EFNA5: variants seen among roughly 807,000 people sequenced by gnomAD.
EFNA5 encodes the protein ephrin-A5.
A neutral mutation model predicts 22.9 loss-of-function variants in EFNA5; 5 were observed. The observed-to-expected ratio is 0.22, with a 90% CI of 0.11 to 0.46. The LOEUF (loss-of-function observed/expected upper bound fraction) is 0.46. Among genes scored for constraint, EFNA5 ranks in the 20% least tolerant of loss-of-function variants. The pLI is 0.99. For missense variants in EFNA5, 237 were observed against 293.3 expected, an observed-to-expected ratio of 0.81 and a Z score of 1.40; for synonymous variants, 113 against 112.2, an observed-to-expected ratio of 1.01 and a Z score of -0.04.
intron 1 of EFNA5, among the ~76,000 whole-genome samples, chr5:107,469,113 T>C (rs953794082): frequency 2.0e-5 from 3 of 152,074 alleles, no homozygotes; most frequent in Non-Finnish European, 1.5e-5. Context: ...TGTTAAAACA[T>C]TATTAAGAAT....
chr5:107,523,636 G>A (rs1239566305), intron 1 of EFNA5, among the ~76,000 whole-genome samples: 5 of 152,226 alleles, frequency 3.3e-5, no homozygotes, highest in Non-Finnish European at 1.5e-5. Flanking sequence ...GGAGAATACA[G>A]AGATTACATT....
intron 2 of EFNA5, among the ~76,000 whole-genome samples, chr5:107,400,228 A>T (rs1748049103): frequency 6.6e-6 from 1 of 152,146 alleles, no homozygotes; most frequent in African/African-American, 2.4e-5. Context: ...ATATAGAATA[A>T]AACATATAAG....
chr5:107,574,422 A>T (rs1176749114), intron 1 of EFNA5, among the ~76,000 whole-genome samples: 1 of 152,200 alleles, frequency 6.6e-6, no homozygotes, highest in Admixed American at 6.5e-5. Flanking sequence ...ATTAAACTCA[A>T]TATGCCATTA....
chr5:107,575,431 C>G (rs1561437856), intron 1 of EFNA5, among the ~76,000 whole-genome samples: 1 of 152,098 alleles, frequency 6.6e-6, no homozygotes, highest in African/African-American at 2.4e-5. Context: ...GGGGAAAAAC[C>G]TTTTCTAGTA....
chr5:107,578,731 T>C (rs1748978709), intron 1 of EFNA5, among the ~76,000 whole-genome samples: 1 of 152,080 alleles, frequency 6.6e-6, no homozygotes, highest in Non-Finnish European at 1.5e-5. Context: ...CCCATGTACA[T>C]TTGCCAAGCA....
At chr5:107,613,412 G>A (rs1195986851) in intron 1 of EFNA5, among the ~76,000 whole-genome samples, 1 of 152,018 alleles carries the variant, frequency 6.6e-6, no homozygotes, top group Non-Finnish European at 1.5e-5. Flanking sequence ...TCTTCAAGAT[G>A]TTTTAAGTAT....
intron 1 of EFNA5, among the ~76,000 whole-genome samples, chr5:107,660,290 A>T (rs1750923247): frequency 8.8e-6 from 1 of 113,760 alleles, no homozygotes. Context: ...ATATATATAT[A>T]TATATATATA....
intron 1 of EFNA5, among the ~76,000 whole-genome samples, chr5:107,632,815 CT>C (rs1033458764): frequency 3.9e-5 from 6 of 152,290 alleles, no homozygotes; most frequent in African/African-American, 1.4e-4. Context: ...AATATAATTG[CT>C]GAGGATATTC....
intron 1 of EFNA5, among the ~76,000 whole-genome samples, chr5:107,630,939 A>G (rs78505729): frequency 0.1 from 15,149 of 152,128 alleles, 962 homozygotes; most frequent in Non-Finnish European, 0.13. Context: ...AGAAATATCA[A>G]TATCACTGTC....
In EFNA5 at chr5:107,569,559, T is replaced by TTATATATATATATATA. The variant is rs70996962; in HGVS notation, c.125+100914_125+100929dup. On this transcript the variant is annotated intron_variant, in intron 1 of 4. Coordinates refer to ENST00000333274, the MANE Select transcript of EFNA5 (RefSeq NM_001962.3). ...TATATATATGTGTGTATATATATAT[T>TTATATATATATATATA]TATATATATATATATATATATATAT... Among the ~76,000 whole-genome samples, 125 of 42,412 alleles carry TTATATATATATATATA rather than the reference T, an allele frequency of 2.9e-3. 1 individual carries two copies. The highest frequency in any genetic ancestry group is 4.4e-3 in the Non-Finnish European group (100 of 22,974). The allele number at this position is 42,412 out of a possible 152,430, so 27.8% of individuals were successfully genotyped here. A position where few individuals can be genotyped will look rare whatever the true frequency, so the allele number is the denominator to read the frequency against.
intron 1 of EFNA5, among the ~76,000 whole-genome samples, chr5:107,640,983 GA>G (rs60130718): frequency 0.1 from 13,510 of 135,416 alleles, 805 homozygotes; most frequent in Non-Finnish European, 0.14. Context: ...CAGGTAGATA[GA>G]TAGATAGATA....
intron 2 of EFNA5, among the ~76,000 whole-genome samples, chr5:107,417,894 G>A (rs552508842): frequency 2.6e-4 from 39 of 152,312 alleles, no homozygotes; most frequent in Middle Eastern, 3.4e-3. Context: ...GGTGAAAATA[G>A]AGCAAGAATA....
At chr5:107,584,111 C>T (rs1749128782) in intron 1 of EFNA5, among the ~76,000 whole-genome samples, 1 of 152,212 alleles carries the variant, frequency 6.6e-6, no homozygotes, top group Non-Finnish European at 1.5e-5. Context: ...GGGGATATCA[C>T]TGAGGTCCAG....
rs568251065 is a variant in EFNA5, at chr5:107,605,958, T to C, written c.125+64531A>G. 2.6e-5 allele frequency among the ~76,000 whole-genome samples: 4 copies of C among 152,314 alleles called. No homozygotes were observed. In the East Asian group the frequency reaches 5.8e-4, roughly 22 times the overall value. ...CACTCTCATTTTAATAAAACTCCTG[T>C]TTCCTGTATAATATCACTCAGGTCA... On this transcript the variant is annotated intron_variant, in intron 1 of 4. Transcript: ENST00000333274.
intron 1 of EFNA5, among the ~76,000 whole-genome samples, chr5:107,645,309 C>T (rs757663774): frequency 6.6e-6 from 1 of 152,204 alleles, no homozygotes; most frequent in Non-Finnish European, 1.5e-5. Flanking sequence ...TACCTTTAAA[C>T]TTGTGTAGCA....
rs1748837643 is a variant in EFNA5, at chr5:107,427,435, T to G, written c.200A>C (p.Asp67Ala). ...YLDVFCPHYE[D>A]SVPEDKTERY... ...CTCAGTCTTATCTTCTGGGACGGAGTCCTCATAGTGAGGGCAGAAAACATC... is the reference window on the plus strand; with the variant it reads ...CTCAGTCTTATCTTCTGGGACGGAGGCCTCATAGTGAGGGCAGAAAACATC... Residue 67 changes from aspartate to alanine, a missense_variant, in exon 2 of 5, where the codon GAC (aspartate) becomes GCC (alanine). Asp to Ala is a moderately radical substitution (Grantham distance 126). Coordinates refer to ENST00000333274, the MANE Select transcript of EFNA5 (RefSeq NM_001962.3). 6.2e-7 allele frequency: 1 copy of G among 1,613,754 alleles called. No individual in the cohort carries two copies. Among genetic ancestry groups the G allele is most frequent in the African/African-American group, 1.3e-5 (1 of 74,806 alleles).
intron 1 of EFNA5, among the ~76,000 whole-genome samples, chr5:107,443,683 G>C (rs912615242): frequency 2.0e-5 from 3 of 152,082 alleles, no homozygotes; most frequent in Non-Finnish European, 4.4e-5. Context: ...ACACAGGGAG[G>C]GGAACACTAC....
intron 1 of EFNA5, among the ~76,000 whole-genome samples, chr5:107,615,310 C>A (rs1436812589): frequency 6.6e-5 from 10 of 152,112 alleles, no homozygotes; most frequent in Admixed American, 6.5e-4. Context: ...TTTCAATCTT[C>A]TCTCTTGGAG....
intron 1 of EFNA5, among the ~76,000 whole-genome samples, chr5:107,555,382 C>T (rs568613601): frequency 6.6e-6 from 1 of 152,256 alleles, no homozygotes; most frequent in African/African-American, 2.4e-5. Flanking sequence ...GCTTTTGTGT[C>T]CACTGTTATA....
Sources: gnomAD v4.1 joint callset for allele counts (sites outside exome capture counted in the v4.1 genomes callset) on GRCh38, gnomAD v4.1.1 for gene constraint, MANE v1.5 for transcripts, NCBI Gene and HGNC (gene_info 2026-07-23, HGNC 2026-07-21) for gene names.